Variants in MAP3K7CL observed in about 807,000 individuals in gnomAD.
MAP3K7CL encodes the protein MAP3K7 C-terminal like, also known as MAP3K7 C-terminal-like protein.
MAP3K7CL carries 16 observed loss-of-function variants against 18.6 expected under a neutral mutation model. That is an observed-to-expected ratio of 0.86 (90% CI 0.58 to 1.31). The LOEUF (loss-of-function observed/expected upper bound fraction) is 1.31, where lower values mean the gene tolerates loss of function less well. Among genes scored for constraint, MAP3K7CL ranks in the 50% most tolerant of loss-of-function variants. The pLI is 0.00. For synonymous variants in MAP3K7CL, 65 were observed against 66.8 expected, an observed-to-expected ratio of 0.97 and a Z score of 0.13; for missense variants, 163 against 174.4, an observed-to-expected ratio of 0.93 and a Z score of 0.37.
At chr21:29,086,377 G>A (rs1453967529) in intron 1 of MAP3K7CL, among the ~76,000 whole-genome samples, 8 of 152,148 alleles carry the variant, frequency 5.3e-5, no homozygotes, top group Non-Finnish European at 1.2e-4. Flanking sequence ...TCATGGCCCC[G>A]TAAGTGTTTG....
intron 4 of MAP3K7CL, among the ~76,000 whole-genome samples, chr21:29,095,376 T>C (rs1189277993): frequency 6.6e-6 from 1 of 152,158 alleles, no homozygotes; most frequent in South Asian, 2.1e-4. Context: ...GGGCAGGGGC[T>C]CATTTTTCTT....
At chr21:29,171,663 C>A (rs1180392684) in intron 4 of MAP3K7CL, among the ~76,000 whole-genome samples, 1 of 151,966 alleles carries the variant, frequency 6.6e-6, no homozygotes, top group Admixed American at 6.6e-5. Context: ...CAAAAATTAG[C>A]CAAGTGTGGC....
At chr21:29,131,427 C>A (rs2086778527) in intron 1 of MAP3K7CL, 2 of 152,156 alleles carry the variant, frequency 1.3e-5, no homozygotes, top group Admixed American at 6.5e-5. Flanking sequence ...ATGGTTTCTT[C>A]TGTTGAATTT....
chr21:29,099,678 T>G (rs139297125), intron 4 of MAP3K7CL, among the ~76,000 whole-genome samples: 1 of 152,272 alleles, frequency 6.6e-6, no homozygotes, highest in Non-Finnish European at 1.5e-5. Flanking sequence ...GCTGGAAGGA[T>G]CTCTGTGAAG....
At chr21:29,161,206 A>G (rs991685755) in intron 4 of MAP3K7CL, among the ~76,000 whole-genome samples, 20 of 152,170 alleles carry the variant, frequency 1.3e-4, no homozygotes, top group Non-Finnish European at 2.8e-4. Flanking sequence ...GCTACTCGGG[A>G]GGCTGAGGCA....
chr21:29,116,710 C>T (rs923191765), intron 4 of MAP3K7CL, among the ~76,000 whole-genome samples: 11 of 152,100 alleles, frequency 7.2e-5, no homozygotes, highest in Non-Finnish European at 1.6e-4. Flanking sequence ...TTCTGAATTT[C>T]AGAATCTAAA....
chr21:29,085,283 T>A (rs1200473532), upstream of MAP3K7CL: 1 of 152,330 alleles, frequency 6.6e-6, no homozygotes, highest in Non-Finnish European at 1.5e-5. Context: ...CAAGGAGACT[T>A]GCTCACCAGA....
intron 3 of MAP3K7CL, among the ~76,000 whole-genome samples, chr21:29,155,704 A>T (rs1021997293): frequency 4.6e-5 from 7 of 152,218 alleles, no homozygotes; most frequent in Non-Finnish European, 7.3e-5. Context: ...CTGCACTGCC[A>T]TGAAATATTA....
intron 3 of MAP3K7CL, 63 bp downstream of exon 3, chr21:29,149,313 G>T: frequency 7.0e-7 from 1 of 1,433,886 alleles, no homozygotes. Context: ...AGCGAGCTGG[G>T]CAGAGAGTGG....
At chr21:29,087,795 G>A (rs2085953111) in intron 1 of MAP3K7CL, among the ~76,000 whole-genome samples, 1 of 151,638 alleles carries the variant, frequency 6.6e-6, no homozygotes, top group African/African-American at 2.4e-5. Flanking sequence ...GGGTTTCACT[G>A]AGTTAGCCAG....
chr21:29,125,360 GTC>G (rs1156638996), intron 4 of MAP3K7CL, among the ~76,000 whole-genome samples: 1 of 152,168 alleles, frequency 6.6e-6, no homozygotes, highest in African/African-American at 2.4e-5. Flanking sequence ...ACATTGCTCT[GTC>G]TCCTTCATTA....
intron 3 of MAP3K7CL, among the ~76,000 whole-genome samples, chr21:29,155,239 C>T (rs576415548): frequency 1.0e-3 from 157 of 152,214 alleles, no homozygotes; most frequent in African/African-American, 3.3e-3. Context: ...AAATCAGACA[C>T]CCCCATCTTT....
At chr21:29,116,350 T>C (rs1464077450) in intron 4 of MAP3K7CL, among the ~76,000 whole-genome samples, 3 of 152,114 alleles carry the variant, frequency 2.0e-5, no homozygotes, top group Admixed American at 1.3e-4. Flanking sequence ...TTAAAAAATA[T>C]AAATGTAAAT....
At chr21:29,169,841 AG>A (rs966222013) in intron 4 of MAP3K7CL, among the ~76,000 whole-genome samples, 1 of 152,218 alleles carries the variant, frequency 6.6e-6, no homozygotes, top group African/African-American at 2.4e-5. Flanking sequence ...AAACCTTTCC[AG>A]GCATGTGGCT....
chr21:29,139,592 C>G (rs7510341), intron 2 of MAP3K7CL, among the ~76,000 whole-genome samples: 1 of 149,408 alleles, frequency 6.7e-6, no homozygotes. Context: ...CCCCTCTCTT[C>G]TTTTTTTTTT....
In MAP3K7CL at chr21:29,154,975, T is replaced by C. The variant is rs146678767; in HGVS notation, c.133-4966T>C. On this transcript the variant is annotated intron_variant, in intron 3 of 4. Transcript: ENST00000399928. ...TCTTGTGTTCTTTCTCCTTTTGATATTGTTTATGTCAACAGAAATGACTTA... is the reference window on the plus strand; with the variant it reads ...TCTTGTGTTCTTTCTCCTTTTGATACTGTTTATGTCAACAGAAATGACTTA... 5.7e-3 allele frequency among the ~76,000 whole-genome samples: 869 copies of C among 152,346 alleles called. 8 individuals are homozygous for C. The highest frequency in any genetic ancestry group is 0.02 in the African/African-American group (829 of 41,572).
chr21:29,097,160 G>C (rs2086137703), intron 4 of MAP3K7CL, among the ~76,000 whole-genome samples: 1 of 152,086 alleles, frequency 6.6e-6, no homozygotes, highest in Non-Finnish European at 1.5e-5. Flanking sequence ...ATCAGGAAAA[G>C]AGGGACACAT....
chr21:29,157,203 AT>A (rs1431473116), intron 3 of MAP3K7CL, among the ~76,000 whole-genome samples: 1 of 152,208 alleles, frequency 6.6e-6, no homozygotes, highest in African/African-American at 2.4e-5. Context: ...GTATATTCAC[AT>A]TGTTGTGCAA....
At chr21:29,158,872 G>A (rs1342308448) in intron 3 of MAP3K7CL, among the ~76,000 whole-genome samples, 1 of 150,420 alleles carries the variant, frequency 6.6e-6, no homozygotes, top group East Asian at 1.9e-4. Context: ...AATTGAAAAG[G>A]GTGATTTAAA....
Sources: allele counts gnomAD v4.1 joint callset (sites outside exome capture counted in the v4.1 genomes callset), GRCh38; gene constraint gnomAD v4.1.1; transcripts MANE v1.5; gene names NCBI Gene and HGNC (gene_info 2026-07-23, HGNC 2026-07-21).